SLC6A13: variants seen among roughly 807,000 people sequenced by gnomAD.
SLC6A13 encodes sodium- and chloride-dependent GABA transporter 2.
SLC6A13 carries 69 observed loss-of-function variants against 72.9 expected under a neutral mutation model. That is an observed-to-expected ratio of 0.95 (90% CI 0.78 to 1.16). The LOEUF is 1.16. SLC6A13 is among the 50% of genes most tolerant of loss of function. The pLI, the probability that SLC6A13 is intolerant of heterozygous loss-of-function variation, is 0.00. For synonymous variants in SLC6A13, 303 were observed against 303.0 expected, an observed-to-expected ratio of 1.00 and a Z score of 0.00; for missense variants, 735 against 760.5, an observed-to-expected ratio of 0.97 and a Z score of 0.39.
chr12:251,098 A>G (rs976657371), intron 2 of SLC6A13, among the ~76,000 whole-genome samples: 2 of 151,566 alleles, frequency 1.3e-5, no homozygotes, highest in African/African-American at 4.8e-5. Context: ...GGAGCTTGCA[A>G]TGAGCTGAGA....
In SLC6A13 at chr12:224,054, C is replaced by T. The variant is rs867210494; in HGVS notation, c.1249G>A (p.Glu417Lys). ...PHVFRKKNRR[E>K]VLILGVSVVS... ...ACAGATACTCCAAGGATGAGGACTT[C>T]CCTCCGGTTCTTCTTGCGGAACACG... The change falls in exon 11 of 15, where the codon GAA becomes AAA. Residue 417 changes from glutamate to lysine, a missense_variant. Glu to Lys is a moderately conservative substitution (Grantham distance 56). Transcript: ENST00000343164. The T allele has an allele frequency of 6.2e-7, 1 of 1,613,978 alleles. No individual in the cohort carries two copies. Among genetic ancestry groups the T allele is most frequent in the Admixed American group, 1.7e-5 (1 of 59,998 alleles).
chr12:233,543 G>T (rs1357447000), intron 7 of SLC6A13, among the ~76,000 whole-genome samples: 6 of 152,168 alleles, frequency 3.9e-5, no homozygotes, highest in African/African-American at 1.4e-4. Context: ...CTGGCTGAGG[G>T]CAGGGCCAGG....
At chr12:222,131 T>C (rs189287987) in intron 13 of SLC6A13, among the ~76,000 whole-genome samples, 2 of 152,352 alleles carry the variant, frequency 1.3e-5, no homozygotes, top group Admixed American at 1.3e-4. Context: ...TTTATGGGAC[T>C]CTTGTGAGGA....
intron 7 of SLC6A13, among the ~76,000 whole-genome samples, chr12:230,832 G>C (rs1941679627): frequency 6.6e-6 from 1 of 152,172 alleles, no homozygotes; most frequent in African/African-American, 2.4e-5. Flanking sequence ...CAAAGGGCCT[G>C]GCGAATAAGA....
chr12:260,437 G>T, intron 1 of SLC6A13, among the ~76,000 whole-genome samples: 1 of 152,178 alleles, frequency 6.6e-6, no homozygotes. Context: ...TGTTTACTCT[G>T]TATGCTGGGA....
intron 2 of SLC6A13, among the ~76,000 whole-genome samples, chr12:252,366 A>G (rs1232425854): frequency 6.6e-6 from 1 of 152,240 alleles, no homozygotes; most frequent in Non-Finnish European, 1.5e-5. Flanking sequence ...AGGAATTAGA[A>G]AGAGACAGGA....
chr12:237,057 C>T, intron 6 of SLC6A13, 101 bp downstream of exon 6: 1 of 1,321,930 alleles, frequency 7.6e-7, no homozygotes, highest in Non-Finnish European at 1.1e-6. Context: ...GTCATCGCCT[C>T]CCATCCTCAA....
rs1042346330 is a variant in SLC6A13, at chr12:226,539, G to A, written c.936-25C>T. ...CCTGTGGGGCAGGGGTGAGGAGAGG[G>A]CGGAATGGCAGGGTCAGAACAGGGC... On this transcript the variant is annotated intron_variant, in intron 8 of 14. Transcript: ENST00000343164. 6 of 1,610,754 alleles carry A rather than the reference G, an allele frequency of 3.7e-6. No homozygotes were observed. In the Admixed American group the frequency reaches 6.7e-5, roughly 18 times the overall value.
chr12:248,494 CAGAGCAA>C (rs1942433150), intron 2 of SLC6A13, among the ~76,000 whole-genome samples: 1 of 150,898 alleles, frequency 6.6e-6, no homozygotes, highest in African/African-American at 2.4e-5. Context: ...AAGTAAACTT[CAGAGCAA>C]AGAATATTAC....
intron 7 of SLC6A13, 81 bp from the exon 8 acceptor site, chr12:227,749 T>G (rs956129488): frequency 3.3e-6 from 4 of 1,225,912 alleles, no homozygotes; most frequent in African/African-American, 3.0e-5. Flanking sequence ...GGCATGTGGC[T>G]GAGCCAGACA....
At chr12:239,037 G>T (rs147268691) in intron 4 of SLC6A13, among the ~76,000 whole-genome samples, 1 of 147,304 alleles carries the variant, frequency 6.8e-6, no homozygotes, top group Non-Finnish European at 1.5e-5. Flanking sequence ...CATATTGGAT[G>T]CATTCCACAC....
chr12:221,236 A>T, intron 14 of SLC6A13, 140 bp downstream of exon 14: 1 of 1,268,730 alleles, frequency 7.9e-7, no homozygotes, highest in South Asian at 1.5e-5. Flanking sequence ...CTCAGCAGCC[A>T]CTCTATCGCT....
intron 7 of SLC6A13, among the ~76,000 whole-genome samples, chr12:227,893 G>C (rs1044308672): frequency 2.6e-5 from 4 of 152,184 alleles, no homozygotes; most frequent in Non-Finnish European, 4.4e-5. Context: ...ACAGGCATTA[G>C]GCATTCAAAG....
chr12:224,030 C>A lies in SLC6A13; in HGVS notation c.1273G>T (p.Val425Phe). 6.2e-7 allele frequency: 1 copy of A among 1,614,124 alleles called. No homozygotes were observed. The highest frequency in any genetic ancestry group is 8.5e-7 in the Non-Finnish European group (1 of 1,180,036). ...RREVLILGVS[V>F]VSFLVGLIML... ...ATCAGCCCCACAAGGAAGGAGACGACAGATACTCCAAGGATGAGGACTTCC... is the reference window on the plus strand; with the variant it reads ...ATCAGCCCCACAAGGAAGGAGACGAAAGATACTCCAAGGATGAGGACTTCC... The change falls in exon 11 of 15, where the codon GTC becomes TTC. Residue 425 changes from valine to phenylalanine, a missense_variant. Coordinates refer to ENST00000343164, the MANE Select transcript of SLC6A13 (RefSeq NM_016615.5).
At chr12:223,044 C>T (rs150071071) in intron 12 of SLC6A13, 88 bp downstream of exon 12, 247 of 787,542 alleles carry the variant, frequency 3.1e-4, no homozygotes, top group Non-Finnish European at 4.4e-4. Context: ...AAGTTAAGTG[C>T]GAGCAGTAGA....
intron 4 of SLC6A13, chr12:238,312 T>C (rs1011840370): frequency 2.9e-6 from 4 of 1,380,378 alleles, no homozygotes; most frequent in Non-Finnish European, 3.8e-6. Flanking sequence ...ATGCTAACAT[T>C]TCTATGTAAG....
chr12:248,021 T>C (rs1227233567), intron 2 of SLC6A13, among the ~76,000 whole-genome samples: 1 of 151,608 alleles, frequency 6.6e-6, no homozygotes, highest in African/African-American at 2.4e-5. Context: ...TATTCAATTA[T>C]TCCAAAAAAA....
At chr12:251,208 T>C (rs1017873703) in intron 2 of SLC6A13, among the ~76,000 whole-genome samples, 4 of 151,772 alleles carry the variant, frequency 2.6e-5, no homozygotes, top group African/African-American at 9.7e-5. Flanking sequence ...AAGTACTTAA[T>C]TCCACCTGGT....
intron 2 of SLC6A13, among the ~76,000 whole-genome samples, chr12:249,440 T>C (rs1942464716): frequency 6.6e-6 from 1 of 152,126 alleles, no homozygotes; most frequent in East Asian, 1.9e-4. Context: ...AAATGAGATG[T>C]ATCCTCAGTA....
Sources: gnomAD v4.1 joint callset for allele counts (sites outside exome capture counted in the v4.1 genomes callset) on GRCh38, gnomAD v4.1.1 for gene constraint, MANE v1.5 for transcripts, NCBI Gene and HGNC (gene_info 2026-07-23, HGNC 2026-07-21) for gene names.